ABI3BP: variants seen among roughly 807,000 people sequenced by gnomAD.
ABI3BP encodes the protein ABI family member 3 binding protein, also known as target of Nesh-SH3.
Under a neutral mutation model 268.6 loss-of-function variants are expected in ABI3BP, and 216 were observed. The ratio of observed to expected loss-of-function variants is 0.80; its 90% confidence interval spans 0.72 to 0.90. ABI3BP has a LOEUF of 0.90. ABI3BP is among the 40% of genes least tolerant of loss of function. ABI3BP has a pLI of 0.00. For missense variants in ABI3BP, 2,090 were observed against 2,182.4 expected, an observed-to-expected ratio of 0.96 and a Z score of 0.84; for synonymous variants, 730 against 730.0, an observed-to-expected ratio of 1.00 and a Z score of 0.00.
intron 52 of ABI3BP, among the ~76,000 whole-genome samples, 186 bp from the exon 53 acceptor site, chr3:100,796,037 A>G (rs957608119): frequency 6.6e-6 from 1 of 152,122 alleles, no homozygotes; most frequent in African/African-American, 2.4e-5. Flanking sequence ...TAAAACTTTG[A>G]AGTTCTCATT....
At chr3:100,876,453 C>A (rs946999178) in intron 7 of ABI3BP, 59 bp downstream of exon 7, 3 of 1,427,654 alleles carry the variant, frequency 2.1e-6, no homozygotes, top group African/African-American at 2.9e-5. Context: ...TGTTTGATTA[C>A]CTTAGCTAAA....
rs549260284 is a variant in ABI3BP, at chr3:100,749,421, G to GAAAGGTAAGTACAGGGAAAGGTCCTTTCA, written c.*1045_*1073dup. On this transcript the variant is annotated 3_prime_UTR_variant, in exon 68 of 68. Coordinates refer to ENST00000471714, the MANE Select transcript of ABI3BP (RefSeq NM_001375547.2). Reference sequence around the variant, plus strand: ...AGCGTTGATAAGATTGAAGCATGTTGAAAGGTAAGTACAGGGAAAGGTCCT... The same window carrying GAAAGGTAAGTACAGGGAAAGGTCCTTTCA: ...AGCGTTGATAAGATTGAAGCATGTTGAAAGGTAAGTACAGGGAAAGGTCCTTTCAAAAGGTAAGTACAGGGAAAGGTCCT... 74 of 384,980 alleles carry GAAAGGTAAGTACAGGGAAAGGTCCTTTCA rather than the reference G, an allele frequency of 1.9e-4. No homozygotes were observed. In the South Asian group the frequency reaches 6.8e-3, roughly 35 times the overall value. 23.8% of individuals were successfully genotyped at this position (384,980 alleles called of 1,614,324 possible).
intron 21 of ABI3BP, among the ~76,000 whole-genome samples, chr3:100,841,223 T>TTTTTTTTTTTTTTTTC (rs2098696657): frequency 8.2e-6 from 1 of 122,328 alleles, no homozygotes; most frequent in Non-Finnish European, 1.7e-5. Context: ...TTTTTTTTTT[T>TTTTTTTTTTTTTTTTC]TTTTGCTCTT....
chr3:100,882,701 A>T (rs2039993980), intron 6 of ABI3BP, among the ~76,000 whole-genome samples: 1 of 152,008 alleles, frequency 6.6e-6, no homozygotes, highest in Non-Finnish European at 1.5e-5. Context: ...GGGGGAAAAA[A>T]ATTAAATTCC....
intron 53 of ABI3BP, 26 bp downstream of exon 53, chr3:100,795,778 G>A: frequency 1.6e-6 from 2 of 1,281,738 alleles, no homozygotes; most frequent in Non-Finnish European, 2.0e-6. Context: ...AGAAAACAGA[G>A]TTGGTCAATA....
intron 3 of ABI3BP, 55 bp from the exon 4 acceptor site, chr3:100,898,949 G>A (rs2048908331): frequency 6.6e-7 from 1 of 1,519,738 alleles, no homozygotes; most frequent in African/African-American, 1.4e-5. Flanking sequence ...AAGTTGCCAT[G>A]ATTCGGGTAA....
intron 1 of ABI3BP, among the ~76,000 whole-genome samples, chr3:100,992,508 A>G (rs1297583834): frequency 6.6e-6 from 1 of 152,184 alleles, no homozygotes; most frequent in African/African-American, 2.4e-5. Flanking sequence ...CTGCAACCAT[A>G]AAAAGCCTTC....
intron 1 of ABI3BP, among the ~76,000 whole-genome samples, chr3:100,936,675 A>G (rs750318490): frequency 5.3e-5 from 8 of 152,036 alleles, no homozygotes; most frequent in Non-Finnish European, 8.8e-5. Context: ...TGGTCTATTC[A>G]GGGATTCAGC....
chr3:100,808,937 A>G (rs2097780211), intron 49 of ABI3BP, among the ~76,000 whole-genome samples: 2 of 152,106 alleles, frequency 1.3e-5, no homozygotes, highest in Admixed American at 1.3e-4. Context: ...TGGTTGAACT[A>G]AAACGTGTTT....
intron 14 of ABI3BP, among the ~76,000 whole-genome samples, chr3:100,859,208 G>A (rs1029559487): frequency 1.3e-5 from 2 of 151,954 alleles, no homozygotes; most frequent in African/African-American, 2.4e-5. Context: ...TGGCTGAAAG[G>A]AATTGATATA....
chr3:100,830,688 TG>T, intron 31 of ABI3BP, 54 bp from the exon 32 acceptor site: 1 of 1,409,350 alleles, frequency 7.1e-7, no homozygotes, highest in Non-Finnish European at 9.6e-7. Flanking sequence ...CATGAAATGT[TG>T]GAACATTCAT....
chr3:100,905,302 C>A (rs558378946), intron 2 of ABI3BP, among the ~76,000 whole-genome samples: 1 of 152,086 alleles, frequency 6.6e-6, no homozygotes, highest in African/African-American at 2.4e-5. Flanking sequence ...CGGAGATATA[C>A]CTAATGCTAA....
At chr3:100,984,265 G>T (rs1171778082) in intron 1 of ABI3BP, among the ~76,000 whole-genome samples, 1 of 152,074 alleles carries the variant, frequency 6.6e-6, no homozygotes, top group Non-Finnish European at 1.5e-5. Flanking sequence ...AATATATTGG[G>T]CTATAGCCTG....
At chr3:100,939,717 A>G (rs1322179573) in intron 1 of ABI3BP, among the ~76,000 whole-genome samples, 2 of 152,226 alleles carry the variant, frequency 1.3e-5, no homozygotes, top group East Asian at 3.9e-4. Flanking sequence ...TTTGGGCACC[A>G]CTGTCATTGA....
At chr3:100,956,246 CACACACACACACACAT>C (rs1392815467) in intron 1 of ABI3BP, among the ~76,000 whole-genome samples, 3 of 147,434 alleles carry the variant, frequency 2.0e-5, no homozygotes, top group African/African-American at 5.1e-5. Context: ...CACACACACA[CACACACACACACACAT>C]ATGGCATGTC....
At chr3:100,817,529 T>A (rs1035683748) in intron 41 of ABI3BP, 34 bp from the exon 42 acceptor site, 13 of 1,339,162 alleles carry the variant, frequency 9.7e-6, no homozygotes, top group African/African-American at 1.5e-5. Flanking sequence ...GCAAAAAGAT[T>A]TAACTTGAAT....
intron 19 of ABI3BP, 80 bp from the exon 20 acceptor site, chr3:100,846,526 A>G (rs2098770875): frequency 2.0e-6 from 2 of 978,366 alleles, no homozygotes; most frequent in South Asian, 1.6e-5. Context: ...AGGAAAACCT[A>G]GAAATAAACT....
At chr3:100,767,241 T>G (rs2096318198) in intron 62 of ABI3BP, among the ~76,000 whole-genome samples, 2 of 152,146 alleles carry the variant, frequency 1.3e-5, no homozygotes. Context: ...GCGCCCAGCC[T>G]TAGGAAGATT....
At chr3:100,763,310 A>C (rs937713395) in intron 63 of ABI3BP, among the ~76,000 whole-genome samples, 2 of 151,850 alleles carry the variant, frequency 1.3e-5, no homozygotes, top group Admixed American at 1.3e-4. Flanking sequence ...AAAATACAAA[A>C]AAAGTAGCCG....
Sources: allele counts gnomAD v4.1 joint callset (sites outside exome capture counted in the v4.1 genomes callset), GRCh38; gene constraint gnomAD v4.1.1; transcripts MANE v1.5; gene names NCBI Gene and HGNC (gene_info 2026-07-23, HGNC 2026-07-21).